Variants in LUC7L observed in about 807,000 individuals in gnomAD.
LUC7L encodes putative RNA-binding protein Luc7-like 1.
A neutral mutation model predicts 51.1 loss-of-function variants in LUC7L; 29 were observed. The observed-to-expected ratio is 0.57, with a 90% CI of 0.42 to 0.77. The LOEUF (loss-of-function observed/expected upper bound fraction) is 0.77. Ranked by LOEUF, LUC7L falls within the 30% of genes least tolerant of loss-of-function variation. LUC7L has a pLI of 0.00. For synonymous variants in LUC7L, 181 were observed against 180.7 expected, an observed-to-expected ratio of 1.00 and a Z score of -0.01; for missense variants, 403 against 511.9, an observed-to-expected ratio of 0.79 and a Z score of 2.05.
chr16:191,912 G>A (rs1255666601), intron 7 of LUC7L, among the ~76,000 whole-genome samples: 2 of 152,126 alleles, frequency 1.3e-5, no homozygotes, highest in African/African-American at 4.8e-5. Flanking sequence ...AAGTGGTTTG[G>A]GAACCTTCCT....
chr16:200,602 C>T (rs1186838887), intron 5 of LUC7L, among the ~76,000 whole-genome samples: 1 of 151,962 alleles, frequency 6.6e-6, no homozygotes, highest in African/African-American at 2.4e-5. Flanking sequence ...GTATTCCAGG[C>T]CTGGTGTAGT....
At chr16:195,110 G>A (rs534200340) in intron 6 of LUC7L, among the ~76,000 whole-genome samples, 1 of 152,282 alleles carries the variant, frequency 6.6e-6, no homozygotes, top group Non-Finnish European at 1.5e-5. Context: ...ACACATGGAT[G>A]GACACCTTTA....
chr16:208,826 G>C (rs2049557129), intron 3 of LUC7L: 1 of 154,592 alleles, frequency 6.5e-6, no homozygotes, highest in South Asian at 2.1e-4. Context: ...AAGGGTGGTG[G>C]GAAACATTAA....
intron 5 of LUC7L, among the ~76,000 whole-genome samples, chr16:201,414 T>C (rs1316053955): frequency 2.0e-5 from 3 of 152,012 alleles, no homozygotes; most frequent in Non-Finnish European, 4.4e-5. Flanking sequence ...CCCAAAAGGT[T>C]ACCTACTGTA....
chr16:214,817 C>T (rs373294134), intron 3 of LUC7L, among the ~76,000 whole-genome samples: 71 of 152,314 alleles, frequency 4.7e-4, no homozygotes, highest in African/African-American at 6.5e-4. Flanking sequence ...TGGACCACTA[C>T]ACCTGGCCCA....
rs907336226 is a variant in LUC7L at position 189,022 on chromosome 16, C to T, written c.*176G>A. ...GCAGCATCAGATTTATTTATTCCTA[C>T]TCAACATGACCCGGGAACACAGGAG... On this transcript the variant is annotated 3_prime_UTR_variant, in exon 10 of 10. Transcript: ENST00000293872. The T allele has an allele frequency of 1.5e-6, 1 of 672,588 alleles. No homozygotes were observed. The highest frequency in any genetic ancestry group is 2.5e-6 in the Non-Finnish European group (1 of 404,340). The allele number at this position is 672,588 out of a possible 1,614,324, so 41.7% of individuals were successfully genotyped here. A position where few individuals can be genotyped will look rare whatever the true frequency, so the allele number is the denominator to read the frequency against.
At chr16:209,570 A>G (rs746832057) in intron 3 of LUC7L, 1 of 152,064 alleles carries the variant, frequency 6.6e-6, no homozygotes, top group Non-Finnish European at 1.5e-5. Flanking sequence ...ACATTAAACC[A>G]TGAGTCAGCT....
At chr16:219,747 C>G (rs1213762668) in intron 3 of LUC7L, among the ~76,000 whole-genome samples, 1 of 152,104 alleles carries the variant, frequency 6.6e-6, no homozygotes, top group Non-Finnish European at 1.5e-5. Flanking sequence ...CGGCTCATGC[C>G]TGTATTCCCA....
intron 2 of LUC7L, 34 bp downstream of exon 2, chr16:227,206 CAG>C: frequency 1.3e-6 from 2 of 1,529,014 alleles, no homozygotes; most frequent in Non-Finnish European, 1.8e-6. Flanking sequence ...GCACTCATGT[CAG>C]AGTGTTCCAT....
intron 7 of LUC7L, among the ~76,000 whole-genome samples, chr16:191,770 A>G (rs2049015645): frequency 6.6e-6 from 1 of 152,266 alleles, no homozygotes; most frequent in South Asian, 2.1e-4. Context: ...GCTTGAACCC[A>G]GGGGGTGGAG....
rs181241229 is a variant in LUC7L at position 193,641 on chromosome 16, C to A, written c.688-626G>T. ...CCTCCTGAGTAGCTGGGATTACAAG[C>A]GTGCCAGCACGGCCGGCTAATTTTT... On this transcript the variant is annotated intron_variant, in intron 6 of 9. Coordinates refer to ENST00000293872, the MANE Select transcript of LUC7L (RefSeq NM_201412.3). 2.8e-3 allele frequency among the ~76,000 whole-genome samples: 433 copies of A among 151,942 alleles called. 3 individuals are homozygous for A. The highest frequency in any genetic ancestry group is 0.01 in the African/African-American group (425 of 41,380).
intron 5 of LUC7L, 123 bp downstream of exon 5, chr16:205,881 G>A (rs1596634229): frequency 8.5e-7 from 1 of 1,179,702 alleles, no homozygotes; most frequent in South Asian, 1.5e-5. Context: ...GAGCCACTGT[G>A]CTGGGCCCAA....
chr16:210,209 C>T (rs1041256475), intron 3 of LUC7L, among the ~76,000 whole-genome samples: 1 of 152,116 alleles, frequency 6.6e-6, no homozygotes, highest in African/African-American at 2.4e-5. Flanking sequence ...ACTGCTTGAA[C>T]CTGGGAAGCA....
intron 4 of LUC7L, 53 bp downstream of exon 4, chr16:208,025 G>C: frequency 7.9e-7 from 1 of 1,261,540 alleles, no homozygotes; most frequent in Non-Finnish European, 1.1e-6. Context: ...AAAAGCTATT[G>C]ACAAGCCAGT....
chr16:189,633 GA>G (rs919659483), intron 9 of LUC7L: 154 of 1,304,636 alleles, frequency 1.2e-4, no homozygotes, highest in South Asian at 5.1e-4. Flanking sequence ...AAACACAATG[GA>G]AAAAAAAATA....
intron 6 of LUC7L, among the ~76,000 whole-genome samples, chr16:195,474 A>G (rs2049123574): frequency 6.6e-6 from 1 of 151,992 alleles, no homozygotes; most frequent in Admixed American, 6.6e-5. Flanking sequence ...TCTAGGTTGG[A>G]GTGTAGTGTC....
chr16:220,769 T>G (rs1210092447), intron 2 of LUC7L, 22 bp from the exon 3 acceptor site: 2 of 1,553,848 alleles, frequency 1.3e-6, no homozygotes. Flanking sequence ...AAACAGAAAA[T>G]GCAGACCTCA....
intron 6 of LUC7L, among the ~76,000 whole-genome samples, chr16:193,896 C>T (rs530849173): frequency 5.3e-5 from 8 of 151,780 alleles, no homozygotes; most frequent in African/African-American, 1.4e-4. Flanking sequence ...CTCCGCCTCC[C>T]GGGTTCACGC....
intron 6 of LUC7L, among the ~76,000 whole-genome samples, chr16:195,510 A>G (rs1323421810): frequency 6.6e-6 from 1 of 152,034 alleles, no homozygotes; most frequent in Non-Finnish European, 1.5e-5. Context: ...TGCAGCCTTG[A>G]GCTCCAAGGT....
Sources: gnomAD v4.1 joint callset for allele counts (sites outside exome capture counted in the v4.1 genomes callset) on GRCh38, gnomAD v4.1.1 for gene constraint, MANE v1.5 for transcripts, NCBI Gene and HGNC (gene_info 2026-07-23, HGNC 2026-07-21) for gene names.